GRIK3: variants seen among roughly 807,000 people sequenced by gnomAD.
The protein encoded by GRIK3 is glutamate receptor ionotropic, kainate 3.
In GRIK3, 29 loss-of-function variants were observed where a neutral mutation model predicts 102.5. The observed-to-expected ratio is 0.28, with a 90% confidence interval of 0.21 to 0.39. The LOEUF (loss-of-function observed/expected upper bound fraction) is 0.39. Ranked by LOEUF, GRIK3 falls within the 10% of genes least tolerant of loss-of-function variation. The probability of loss-of-function intolerance (pLI) is 1.00; values close to 1 mark genes in which losing one functional copy is unlikely to be tolerated. For synonymous variants in GRIK3, 511 were observed against 504.9 expected (o/e 1.01, Z -0.16); for missense variants, 908 against 1,252.4 (o/e 0.73, Z 4.15).
Position 37,034,242 on chromosome 1 carries a change from G to T in GRIK3, c.-134C>A, listed in dbSNP as rs1259533450. On this transcript the variant is annotated 5_prime_UTR_variant, in exon 1 of 16. Coordinates refer to ENST00000373091, the MANE Select transcript of GRIK3 (RefSeq NM_000831.4). The stretch of plus-strand genomic sequence containing the variant: ...GCCCGGCTCCCGAGCGCCGCTGCAA[G>T]TGGGGGGCGCCCCGCGGCGCCGCGC... 1 of 162,836 alleles carries T rather than the reference G, an allele frequency of 6.1e-6. No individual in the cohort carries two copies. The highest frequency in any genetic ancestry group is 1.3e-5 in the Non-Finnish European group (1 of 76,556). The allele number at this position is 162,836 out of a possible 1,614,324, so 10.1% of individuals were successfully genotyped here. A position where few individuals can be genotyped will look rare whatever the true frequency, so the allele number is the denominator to read the frequency against.
chr1:36,953,117 C>T (rs1454129846), intron 1 of GRIK3, among the ~76,000 whole-genome samples: 2 of 152,242 alleles, frequency 1.3e-5, no homozygotes, highest in African/African-American at 4.8e-5. Flanking sequence ...GTCTGTTGGG[C>T]TCCATGTCTG....
intron 11 of GRIK3, among the ~76,000 whole-genome samples, chr1:36,822,737 G>T (rs1642709498): frequency 6.6e-6 from 1 of 152,128 alleles, no homozygotes; most frequent in African/African-American, 2.4e-5. Flanking sequence ...TGGCTGCAAT[G>T]TGGCCCCCAG....
chr1:36,879,216 T>C (rs1412821767), intron 3 of GRIK3, among the ~76,000 whole-genome samples: 2 of 152,114 alleles, frequency 1.3e-5, no homozygotes, highest in Non-Finnish European at 2.9e-5. Flanking sequence ...AGTTTTGGTG[T>C]GGTGTGGTGA....
chr1:36,845,438 G>A (rs1159089169), intron 9 of GRIK3, among the ~76,000 whole-genome samples: 1 of 152,152 alleles, frequency 6.6e-6, no homozygotes, highest in Admixed American at 6.5e-5. Flanking sequence ...GTTTCTCTCC[G>A]ATCACTTACC....
chr1:37,005,384 G>A (rs555476784), intron 1 of GRIK3, among the ~76,000 whole-genome samples: 1 of 152,370 alleles, frequency 6.6e-6, no homozygotes, highest in African/African-American at 2.4e-5. Flanking sequence ...ACAGAGGAAT[G>A]CTGGGCGCTG....
intron 1 of GRIK3, among the ~76,000 whole-genome samples, chr1:36,975,194 T>C (rs753731460): frequency 1.3e-5 from 2 of 152,130 alleles, no homozygotes; most frequent in Non-Finnish European, 2.9e-5. Flanking sequence ...TTTTAAAACT[T>C]TAAATATACA....
intron 5 of GRIK3, among the ~76,000 whole-genome samples, chr1:36,860,600 A>G (rs1640711801): frequency 6.6e-6 from 1 of 152,192 alleles, no homozygotes; most frequent in Admixed American, 6.5e-5. Flanking sequence ...TGGGCCAGGC[A>G]GGTCCTGCCA....
Position 36,806,011 on chromosome 1 carries a change from A to G in GRIK3, c.2314+93T>C, listed in dbSNP as rs561077122. On this transcript the variant is annotated intron_variant, in intron 14 of 15. Transcript: ENST00000373091. This position sits in a 1 kb window ranked among gnomAD's most constrained non-coding sequence, Gnocchi z 4.0. ...AACGTCACCTTTATCAGCCCCATGGAATGAGCTGTGAGACGGAGTGTGAGG... is the reference window on the plus strand; with the variant it reads ...AACGTCACCTTTATCAGCCCCATGGGATGAGCTGTGAGACGGAGTGTGAGG... 19 of 704,942 alleles carry G rather than the reference A, an allele frequency of 2.7e-5. No individual in the cohort carries two copies. The East Asian group carries it at 4.4e-4, about 16-fold the overall frequency. 43.7% of individuals were successfully genotyped at this position (704,942 alleles called of 1,614,324 possible).
intron 1 of GRIK3, among the ~76,000 whole-genome samples, chr1:36,927,741 G>T (rs910016715): frequency 2.6e-5 from 4 of 152,198 alleles, no homozygotes; most frequent in Admixed American, 2.0e-4. Context: ...GCTCCTTTGT[G>T]GTGGAGGAGA....
intron 3 of GRIK3, among the ~76,000 whole-genome samples, chr1:36,875,822 T>C (rs997753061): frequency 2.6e-5 from 4 of 152,214 alleles, no homozygotes; most frequent in African/African-American, 4.8e-5. Flanking sequence ...AGGTGGTTTG[T>C]TACACAGCAT....
At chr1:37,019,788 G>C (rs907789788) in intron 1 of GRIK3, among the ~76,000 whole-genome samples, 1 of 152,190 alleles carries the variant, frequency 6.6e-6, no homozygotes, top group African/African-American at 2.4e-5. Context: ...AGATTTTTCT[G>C]ATTCTGCGAA....
rs779755653 is a variant in GRIK3, at chr1:37,033,967, A to G, written c.115+27T>C. The G allele has an allele frequency of 6.6e-6, 9 of 1,359,624 alleles. No individual in the cohort carries two copies. The Admixed American group carries it at 9.6e-5, about 15-fold the overall frequency. The allele number at this position is 1,359,624 out of a possible 1,614,324, so 84.2% of individuals were successfully genotyped here. The stretch of plus-strand genomic sequence containing the variant: ...TTCCCGCCCCCTCCCGGGCGCACGG[A>G]GACCCCCGGCTCCAGGGAGCGCTTA... On this transcript the variant is annotated intron_variant, in intron 1 of 15. Coordinates refer to ENST00000373091, the MANE Select transcript of GRIK3 (RefSeq NM_000831.4).
intron 11 of GRIK3, among the ~76,000 whole-genome samples, chr1:36,822,775 C>T (rs936793782): frequency 6.6e-6 from 1 of 152,172 alleles, no homozygotes; most frequent in Non-Finnish European, 1.5e-5. Context: ...CACCCTCAGC[C>T]CTGCCTCCTG....
Position 36,880,624 on chromosome 1 carries a change from G to A in GRIK3, c.550+10C>T, listed in dbSNP as rs1363632655. ...CGTTGCCCCCAGCCTAGCCAGGCCT[G>A]GCCACCCACCTGTACTGTCGTCATA... On this transcript the variant is annotated intron_variant, in intron 3 of 15. Coordinates refer to ENST00000373091, the MANE Select transcript of GRIK3 (RefSeq NM_000831.4). The surrounding 1 kb of genome is among the most constrained non-coding windows in gnomAD (Gnocchi z 5.4). 1.2e-6 allele frequency: 2 copies of A among 1,613,322 alleles called. No homozygotes were observed. Among genetic ancestry groups the A allele is most frequent in the South Asian group, 2.2e-5 (2 of 91,052 alleles).
chr1:36,982,702 G>A (rs950410654), intron 1 of GRIK3, among the ~76,000 whole-genome samples: 35 of 152,130 alleles, frequency 2.3e-4, no homozygotes, highest in African/African-American at 8.2e-4. Context: ...TCACTGGTCA[G>A]GAAGGAAGGG....
chr1:36,845,588 C>T (rs1640510882), intron 9 of GRIK3, among the ~76,000 whole-genome samples: 1 of 152,208 alleles, frequency 6.6e-6, no homozygotes, highest in East Asian at 1.9e-4. Context: ...TTCTGAAGCT[C>T]CTTTCTGACA....
intron 1 of GRIK3, among the ~76,000 whole-genome samples, chr1:36,916,172 C>T (rs1000299635): frequency 3.9e-5 from 6 of 152,114 alleles, no homozygotes; most frequent in Non-Finnish European, 7.3e-5. Context: ...CAGCATTTTG[C>T]CCCTGCCCTA....
At position 36,921,881 on chromosome 1, in the gene GRIK3, C is replaced by A. The variant is rs571349660; in HGVS notation, c.116-30785G>T. On this transcript the variant is annotated intron_variant, in intron 1 of 15. Coordinates refer to ENST00000373091, the MANE Select transcript of GRIK3 (RefSeq NM_000831.4). The stretch of plus-strand genomic sequence containing the variant: ...CCTGCTCCTATTGTAGGACAAATCC[C>A]TCGGGTCACCTGGGGTCCAGTGGCT... Among the ~76,000 whole-genome samples, 10 of 152,248 alleles carry A rather than the reference C, an allele frequency of 6.6e-5. No homozygotes were observed. The South Asian group carries it at 2.1e-3, about 32-fold the overall frequency.
chr1:36,801,696 G>C lies in GRIK3; in HGVS notation c.*155C>G. The C allele has an allele frequency of 1.8e-6, 1 of 548,868 alleles. No homozygotes were observed. Among genetic ancestry groups the C allele is most frequent in the Non-Finnish European group, 3.1e-6 (1 of 326,196 alleles). 34.0% of individuals were successfully genotyped at this position (548,868 alleles called of 1,614,324 possible). ...AAGCAGCTGGCCTGAGAGCCTGCTG[G>C]CTTCCTGGCAGGTAAGGGCAGGAGG... On this transcript the variant is annotated 3_prime_UTR_variant, in exon 16 of 16. Transcript: ENST00000373091.
Sources: allele counts gnomAD v4.1 joint callset (sites outside exome capture counted in the v4.1 genomes callset), GRCh38; gene constraint gnomAD v4.1.1; non-coding constraint Gnocchi (gnomAD v3.1); transcripts MANE v1.5; gene names NCBI Gene and HGNC (gene_info 2026-07-23, HGNC 2026-07-21).